The following GRIK4 variants were observed in gnomAD, a reference collection of about 807,000 sequenced individuals.
GRIK4 encodes the protein glutamate receptor ionotropic, kainate 4.
GRIK4 carries 40 observed loss-of-function variants against 104.9 expected under a neutral mutation model. That is an observed-to-expected ratio of 0.38 (90% CI 0.30 to 0.50). The LOEUF (loss-of-function observed/expected upper bound fraction) is 0.50. Ranked by LOEUF, GRIK4 falls within the 20% of genes least tolerant of loss-of-function variation. The probability of loss-of-function intolerance (pLI) is 0.93; values close to 1 mark genes in which losing one functional copy is unlikely to be tolerated. For missense variants in GRIK4, 1,047 were observed against 1,308.1 expected, an observed-to-expected ratio of 0.80 and a Z score of 3.08; for synonymous variants, 485 against 524.9, an observed-to-expected ratio of 0.92 and a Z score of 1.04.
At chr11:120,519,409 G>A (rs1323217152) in intron 1 of GRIK4, among the ~76,000 whole-genome samples, 3 of 152,058 alleles carry the variant, frequency 2.0e-5, no homozygotes, top group African/African-American at 2.4e-5. Context: ...AAGAGAACCC[G>A]CAAAGCCCCC....
At chr11:120,618,557 G>T (rs1565576137) in intron 1 of GRIK4, among the ~76,000 whole-genome samples, 1 of 152,214 alleles carries the variant, frequency 6.6e-6, no homozygotes, top group Non-Finnish European at 1.5e-5. Context: ...GACCATTGTG[G>T]CAGCTTGTCC....
At chr11:120,616,362 A>T (rs150400112) in intron 1 of GRIK4, among the ~76,000 whole-genome samples, 94 of 152,362 alleles carry the variant, frequency 6.2e-4, no homozygotes, top group African/African-American at 2.1e-3. Flanking sequence ...GAGCTCAGTC[A>T]TAAAGGCAGC....
At chr11:120,643,240 A>G (rs555933864) in intron 1 of GRIK4, among the ~76,000 whole-genome samples, 5 of 152,336 alleles carry the variant, frequency 3.3e-5, no homozygotes, top group East Asian at 1.9e-4. Flanking sequence ...GGAAAAAAGA[A>G]AAAAATAAAG....
intron 3 of GRIK4, among the ~76,000 whole-genome samples, chr11:120,717,448 G>A (rs901812550): frequency 6.6e-6 from 1 of 152,136 alleles, no homozygotes; most frequent in Non-Finnish European, 1.5e-5. Context: ...CAGTGCTTAG[G>A]GATTGGAGAA....
chr11:120,909,586 G>A (rs1177616503), intron 13 of GRIK4, among the ~76,000 whole-genome samples: 1 of 152,196 alleles, frequency 6.6e-6, no homozygotes, highest in Non-Finnish European at 1.5e-5. Context: ...GCCAGGGTAT[G>A]TATGGACAGG....
intron 3 of GRIK4, among the ~76,000 whole-genome samples, chr11:120,792,517 ATAAGAGT>A (rs1039966277): frequency 6.6e-5 from 10 of 152,076 alleles, no homozygotes; most frequent in Admixed American, 6.6e-4. Context: ...GGAAAACCAG[ATAAGAGT>A]TAAGAGGTTG....
At chr11:120,963,785 C>T (rs1170387653) in intron 18 of GRIK4, among the ~76,000 whole-genome samples, 1 of 152,008 alleles carries the variant, frequency 6.6e-6, no homozygotes, top group East Asian at 1.9e-4. Flanking sequence ...GGCTGTGGTA[C>T]CTTAGATGCA....
chr11:120,686,402 T>C (rs978557912), intron 3 of GRIK4, among the ~76,000 whole-genome samples: 1 of 152,242 alleles, frequency 6.6e-6, no homozygotes, highest in Non-Finnish European at 1.5e-5. Flanking sequence ...CCTAAATCAC[T>C]GTCTACCTTG....
chr11:120,779,571 T>C (rs1441369986), intron 3 of GRIK4, among the ~76,000 whole-genome samples: 2 of 152,214 alleles, frequency 1.3e-5, no homozygotes, highest in African/African-American at 4.8e-5. Context: ...AGAAGTCACA[T>C]AGACCTGGAT....
intron 13 of GRIK4, among the ~76,000 whole-genome samples, chr11:120,929,961 T>G (rs1202025524): frequency 6.6e-6 from 1 of 151,874 alleles, no homozygotes; most frequent in African/African-American, 2.4e-5. Context: ...ATCAGCCTGC[T>G]TCAGCTGCCA....
Position 120,641,087 on chromosome 11 carries a change from A to G in GRIK4, c.-158-12598A>G, listed in dbSNP as rs565462570. On this transcript the variant is annotated intron_variant, in intron 1 of 20. Transcript: ENST00000527524. ...CTCTACAGGCTTTGAACTTCGTGGC[A>G]TAGCCACTTTGCCATATCTGCAGGA... is the stretch of plus-strand genomic sequence containing the variant. Among the ~76,000 whole-genome samples, 16 of 152,394 alleles carry G rather than the reference A, an allele frequency of 1.0e-4. No homozygotes were observed. In the South Asian group the frequency reaches 2.7e-3, roughly 26 times the overall value.
At chr11:120,897,625 A>AAAAAAAAAAAAAAAAAAAAAAAC (rs1942620597) in intron 11 of GRIK4, among the ~76,000 whole-genome samples, 1 of 144,064 alleles carries the variant, frequency 6.9e-6, no homozygotes, top group Admixed American at 6.9e-5. Context: ...AAAAAAAAAA[A>AAAAAAAAAAAAAAAAAAAAAAAC]AAGAGTACAT....
intron 1 of GRIK4, among the ~76,000 whole-genome samples, chr11:120,562,226 G>A (rs1354507688): frequency 6.6e-6 from 1 of 152,216 alleles, no homozygotes; most frequent in African/African-American, 2.4e-5. Context: ...AAGTGACATG[G>A]CAGATGGAAG....
chr11:120,746,211 C>G (rs1177328396), intron 3 of GRIK4, among the ~76,000 whole-genome samples: 1 of 152,218 alleles, frequency 6.6e-6, no homozygotes, highest in Non-Finnish European at 1.5e-5. Flanking sequence ...CCTCCCCTCT[C>G]CACCACAGTG....
intron 19 of GRIK4, among the ~76,000 whole-genome samples, chr11:120,978,316 A>T (rs1944595304): frequency 6.6e-6 from 1 of 152,222 alleles, no homozygotes; most frequent in African/African-American, 2.4e-5. Flanking sequence ...TATACCTAAA[A>T]GTCAGGTAAG....
intron 3 of GRIK4, among the ~76,000 whole-genome samples, chr11:120,782,768 GA>G (rs1238731343): frequency 6.6e-6 from 1 of 152,146 alleles, no homozygotes; most frequent in Non-Finnish European, 1.5e-5. Flanking sequence ...GTTGTGACAT[GA>G]AAAGGGTCCA....
chr11:120,749,348 G>C (rs1190622367), intron 3 of GRIK4, among the ~76,000 whole-genome samples: 1 of 152,150 alleles, frequency 6.6e-6, no homozygotes, highest in Non-Finnish European at 1.5e-5. Context: ...TGTGGCTAGG[G>C]CACCATGGGC....
rs1942837535 is a variant in GRIK4, at chr11:120,905,157, C to A, written c.1273-133C>A. ...GGAGCTGGTCATCACCCCAAAGTAG[C>A]CCATTACCCACGTCAGTTTCCTCCT... On this transcript the variant is annotated intron_variant, in intron 12 of 20. Coordinates refer to ENST00000527524, the MANE Select transcript of GRIK4 (RefSeq NM_014619.5). This position sits in a 1 kb window ranked among gnomAD's most constrained non-coding sequence, Gnocchi z 5.1. 2 of 721,270 alleles carry A rather than the reference C, an allele frequency of 2.8e-6. No homozygotes were observed. The highest frequency in any genetic ancestry group is 3.4e-5 in the African/African-American group (2 of 58,326). The allele number at this position is 721,270 out of a possible 1,614,324, so 44.7% of individuals were successfully genotyped here. A position where few individuals can be genotyped will look rare whatever the true frequency, so the allele number is the denominator to read the frequency against.
chr11:120,676,082 C>A (rs1003681542), intron 3 of GRIK4, among the ~76,000 whole-genome samples: 2 of 152,050 alleles, frequency 1.3e-5, no homozygotes, highest in East Asian at 1.9e-4. Context: ...GGATGGGGGG[C>A]CCCATTTTCT....
Sources: gnomAD v4.1 joint callset for allele counts (sites outside exome capture counted in the v4.1 genomes callset) on GRCh38, gnomAD v4.1.1 for gene constraint, Gnocchi (gnomAD v3.1) non-coding constraint, MANE v1.5 for transcripts, NCBI Gene and HGNC (gene_info 2026-07-23, HGNC 2026-07-21) for gene names.